YEATS2: variants seen among roughly 807,000 people sequenced by gnomAD.
YEATS2 encodes the protein YEATS domain-containing protein 2.
Under a neutral mutation model 163.2 loss-of-function variants are expected in YEATS2, and 77 were observed. That is an observed-to-expected ratio of 0.47 (90% CI 0.39 to 0.57). The LOEUF (loss-of-function observed/expected upper bound fraction) is 0.57, where lower values mean the gene tolerates loss of function less well. Ranked by LOEUF, YEATS2 falls within the 20% of genes least tolerant of loss-of-function variation. The probability of loss-of-function intolerance (pLI) is 0.00; values close to 1 mark genes in which losing one functional copy is unlikely to be tolerated. For missense variants in YEATS2, 1,549 were observed against 1,729.8 expected, an observed-to-expected ratio of 0.90 and a Z score of 1.85; for synonymous variants, 631 against 645.1, an observed-to-expected ratio of 0.98 and a Z score of 0.33.
At chr3:183,715,092 C>G in intron 1 of YEATS2, 52 bp from the exon 2 acceptor site, 1 of 1,145,290 alleles carries the variant, frequency 8.7e-7, no homozygotes, top group Non-Finnish European at 1.3e-6. Context: ...TTACTACAAC[C>G]CAACTATTTA....
intron 1 of YEATS2, among the ~76,000 whole-genome samples, chr3:183,711,768 T>C (rs1715244172): frequency 6.6e-6 from 1 of 151,906 alleles, no homozygotes. Flanking sequence ...GTTTCTGAGA[T>C]GAGTGAAAGA....
At chr3:183,774,189 C>G (rs768007532) in intron 17 of YEATS2, among the ~76,000 whole-genome samples, 2 of 152,168 alleles carry the variant, frequency 1.3e-5, no homozygotes, top group Non-Finnish European at 2.9e-5. Flanking sequence ...GTCTGTTTGA[C>G]TTCATTTAGA....
At chr3:183,804,688 T>TA (rs758560952) in intron 27 of YEATS2, among the ~76,000 whole-genome samples, 14 of 152,234 alleles carry the variant, frequency 9.2e-5, no homozygotes, top group African/African-American at 2.4e-4. Context: ...TGTTTCACGA[T>TA]AAAAAAACAG....
At chr3:183,762,975 T>C (rs1721526509) in intron 15 of YEATS2, among the ~76,000 whole-genome samples, 1 of 151,906 alleles carries the variant, frequency 6.6e-6, no homozygotes, top group Non-Finnish European at 1.5e-5. Context: ...TGCTTGAACC[T>C]GGGAGGCAGA....
chr3:183,768,257 G>A (rs561943941), intron 15 of YEATS2, among the ~76,000 whole-genome samples: 79 of 152,274 alleles, frequency 5.2e-4, no homozygotes, highest in Middle Eastern at 3.4e-3. Flanking sequence ...ATACCTCCAC[G>A]TTCACGCTTC....
intron 10 of YEATS2, among the ~76,000 whole-genome samples, chr3:183,753,567 G>A (rs553727939): frequency 6.6e-6 from 1 of 152,254 alleles, no homozygotes; most frequent in Non-Finnish European, 1.5e-5. Flanking sequence ...GGCCAACATG[G>A]CAAAACCCCG....
chr3:183,752,432 G>A (rs1308193754), intron 10 of YEATS2, among the ~76,000 whole-genome samples, 179 bp downstream of exon 10: 2 of 152,038 alleles, frequency 1.3e-5, no homozygotes, highest in Non-Finnish European at 2.9e-5. Flanking sequence ...TTTTCCGGCC[G>A]GGAGCTGTGG....
chr3:183,777,786 A>G, intron 19 of YEATS2, 86 bp downstream of exon 19: 1 of 1,471,222 alleles, frequency 6.8e-7, no homozygotes, highest in Non-Finnish European at 9.1e-7. Context: ...TCTTTTCACA[A>G]AGAAATTAAG....
intron 25 of YEATS2, chr3:183,802,090 T>G (rs1267326267): frequency 1.3e-5 from 2 of 152,242 alleles, no homozygotes; most frequent in Non-Finnish European, 2.9e-5. Flanking sequence ...AGAAATGCAG[T>G]TTTTAAGACC....
chr3:183,721,829 ATT>A, intron 4 of YEATS2, 60 bp from the exon 5 acceptor site: 1 of 1,589,014 alleles, frequency 6.3e-7, no homozygotes, highest in Non-Finnish European at 8.6e-7. Flanking sequence ...GAGAGATCAG[ATT>A]TTTGCCTGCT....
chr3:183,720,707 C>G (rs1259807095), intron 4 of YEATS2, among the ~76,000 whole-genome samples: 1 of 152,096 alleles, frequency 6.6e-6, no homozygotes, highest in Non-Finnish European at 1.5e-5. Flanking sequence ...TAACAAATTA[C>G]CTACCATAAG....
At chr3:183,790,058 C>T (rs978002080) in intron 20 of YEATS2, among the ~76,000 whole-genome samples, 1 of 152,216 alleles carries the variant, frequency 6.6e-6, no homozygotes, top group Non-Finnish European at 1.5e-5. Flanking sequence ...TGCTTTGCAG[C>T]TTCTTGAACA....
chr3:183,722,135 G>T lies in YEATS2; in HGVS notation c.536G>T (p.Arg179Met). The T allele has an allele frequency of 6.2e-7, 1 of 1,613,574 alleles. No individual in the cohort carries two copies. The highest frequency in any genetic ancestry group is 1.1e-5 in the South Asian group (1 of 90,980). The change falls in exon 5 of 31, where the codon AGG becomes ATG. Residue 179 changes from arginine to methionine, a missense_variant and splice_region_variant. Arg to Met is a moderately conservative substitution (Grantham distance 91). Coordinates refer to ENST00000305135, the MANE Select transcript of YEATS2 (RefSeq NM_018023.5). The part of the protein sequence containing the change: ...MEQRPSRNTG[R>M]DTSRITGSHK... ...CAGAGACCAAGCCGAAATACTGGAA[G>T]GGTATATAGATGGGTGGATGTGGGA...
intron 1 of YEATS2, 130 bp from the exon 2 acceptor site, chr3:183,715,014 G>T (rs912312695): frequency 1.8e-6 from 1 of 565,216 alleles, no homozygotes; most frequent in East Asian, 2.9e-5. Flanking sequence ...GCAAGTACCA[G>T]TATTAATGTA....
chr3:183,736,598 G>A lies in YEATS2; in HGVS notation c.813-120G>A, dbSNP rs546229000. On this transcript the variant is annotated intron_variant, in intron 7 of 30. Coordinates refer to ENST00000305135, the MANE Select transcript of YEATS2 (RefSeq NM_018023.5). Reference sequence around the variant, plus strand: ...GCATGTTGATTTAGTTTTAAACGAGGAAATCTAAATGATTCTCAGAAGACA... The same window carrying A: ...GCATGTTGATTTAGTTTTAAACGAGAAAATCTAAATGATTCTCAGAAGACA... 903 of 700,574 alleles carry A rather than the reference G, an allele frequency of 1.3e-3. 2 individuals are homozygous for A. The highest frequency in any genetic ancestry group is 1.8e-3 in the Non-Finnish European group (811 of 446,714). 43.4% of individuals were successfully genotyped at this position (700,574 alleles called of 1,614,324 possible). A position where few individuals can be genotyped will look rare whatever the true frequency, so the allele number is the denominator to read the frequency against.
At chr3:183,738,672 G>T (rs1200418896) in intron 8 of YEATS2, among the ~76,000 whole-genome samples, 2 of 140,054 alleles carry the variant, frequency 1.4e-5, no homozygotes, top group Non-Finnish European at 3.1e-5. Context: ...TTGTTCTTGT[G>T]ATAGTTTACT....
At chr3:183,752,577 T>C (rs769264314) in intron 10 of YEATS2, among the ~76,000 whole-genome samples, 2 of 151,154 alleles carry the variant, frequency 1.3e-5, no homozygotes, top group Admixed American at 6.6e-5. Context: ...GGTGTGATGG[T>C]GGGTGCCTGT....
chr3:183,725,615 A>G (rs262976), intron 6 of YEATS2, among the ~76,000 whole-genome samples: 98,333 of 152,126 alleles, frequency 0.65, 32,515 homozygotes, highest in East Asian at 0.96. Context: ...GTCAGATCTT[A>G]TGAGACTGAT....
At chr3:183,736,003 A>G (rs911444983) in intron 7 of YEATS2, among the ~76,000 whole-genome samples, 1 of 152,160 alleles carries the variant, frequency 6.6e-6, no homozygotes, top group African/African-American at 2.4e-5. Flanking sequence ...AAATTTTTTT[A>G]TTATGGAAAA....
Sources: allele counts gnomAD v4.1 joint callset (sites outside exome capture counted in the v4.1 genomes callset), GRCh38; gene constraint gnomAD v4.1.1; transcripts MANE v1.5; gene names NCBI Gene and HGNC (gene_info 2026-07-23, HGNC 2026-07-21).